The following MRTFB variants were observed in gnomAD, a reference collection of about 807,000 sequenced individuals.
MRTFB encodes myocardin-related transcription factor B.
Under a neutral mutation model 104.2 loss-of-function variants are expected in MRTFB, and 29 were observed. The ratio of observed to expected loss-of-function variants is 0.28; its 90% confidence interval spans 0.21 to 0.38. The LOEUF is 0.38. Ranked by LOEUF, MRTFB falls within the 10% of genes least tolerant of loss-of-function variation. The pLI is 1.00. For synonymous variants in MRTFB, 535 were observed against 519.5 expected (o/e 1.03, Z -0.41); for missense variants, 1,270 against 1,341.6 (o/e 0.95, Z 0.83).
chr16:14,003,623 G>GCCTGCCTGCCTGCCTGCCT, the MRTFB span, among the ~76,000 whole-genome samples: 465 of 85,336 alleles, frequency 5.4e-3, 3 homozygotes, highest in Non-Finnish European at 9.5e-3. Flanking sequence ...GGGGCCGGCC[G>GCCTGCCTGCCTGCCTGCCT]GCCTGCCTGC....
the MRTFB span, among the ~76,000 whole-genome samples, chr16:14,057,847 T>G: frequency 6.6e-6 from 1 of 152,252 alleles, no homozygotes; most frequent in Non-Finnish European, 1.5e-5. Flanking sequence ...AGTCCAACTC[T>G]GAGCTCCTCC....
chr16:14,097,397 A>C (rs1206789724), intron 2 of MRTFB, among the ~76,000 whole-genome samples: 1 of 152,206 alleles, frequency 6.6e-6, no homozygotes, highest in Non-Finnish European at 1.5e-5. Flanking sequence ...TTTCCCATCC[A>C]GTAGTAATTA....
intron 10 of MRTFB, among the ~76,000 whole-genome samples, chr16:14,242,091 T>A (rs962889589): frequency 1.3e-5 from 2 of 152,108 alleles, no homozygotes; most frequent in African/African-American, 4.8e-5. Context: ...GCCTCAAGTC[T>A]AGGAGGAATT....
chr16:14,257,267 A>G (rs1332493247), intron 15 of MRTFB, among the ~76,000 whole-genome samples: 1 of 152,202 alleles, frequency 6.6e-6, no homozygotes, highest in Non-Finnish European at 1.5e-5. Flanking sequence ...GAGAAAACAC[A>G]TGTCTATACA....
At chr16:14,083,116 T>G (rs943284348) in intron 2 of MRTFB, among the ~76,000 whole-genome samples, 1 of 152,198 alleles carries the variant, frequency 6.6e-6, no homozygotes, top group Non-Finnish European at 1.5e-5. Flanking sequence ...TTGGTAACTG[T>G]TGTAAATAGG....
chr16:14,247,009 G>A lies in MRTFB; in HGVS notation c.1749G>A (p.Glu583=), dbSNP rs2043044190. The A allele has an allele frequency of 6.2e-7, 1 of 1,614,184 alleles. No individual in the cohort carries two copies. The highest frequency in any genetic ancestry group is 8.5e-7 in the Non-Finnish European group (1 of 1,180,048). ...AGGAGAAAGAGAAGCAAATCGAAGA[G>A]CTGAAGAGGAAACTGGAACAAGAGC... is the stretch of plus-strand genomic sequence containing the variant. The part of the protein sequence containing the change: ...KLQEKEKQIE[E]LKRKLEQEQK... The change falls in exon 12 of 17, where the codon GAG becomes GAA. Residue 583 remains glutamate, a synonymous_variant. Transcript: ENST00000571589.
chr16:14,034,517 G>A, the MRTFB span, among the ~76,000 whole-genome samples: 1 of 151,896 alleles, frequency 6.6e-6, no homozygotes, highest in Non-Finnish European at 1.5e-5. Context: ...GGGAGGCTGA[G>A]GCAGGAGAAT....
chr16:14,182,936 G>A (rs1213061837), intron 3 of MRTFB, among the ~76,000 whole-genome samples: 1 of 152,170 alleles, frequency 6.6e-6, no homozygotes, highest in Non-Finnish European at 1.5e-5. Flanking sequence ...ATAGTAGGAT[G>A]TGCCACTAAT....
chr16:14,107,530 T>G (rs1238152715), intron 2 of MRTFB, among the ~76,000 whole-genome samples: 1 of 152,180 alleles, frequency 6.6e-6, no homozygotes, highest in Non-Finnish European at 1.5e-5. Flanking sequence ...AGGCATAGAA[T>G]AAATGGTGAG....
the MRTFB span, among the ~76,000 whole-genome samples, chr16:14,011,060 G>C: frequency 6.6e-6 from 1 of 152,230 alleles, no homozygotes; most frequent in African/African-American, 2.4e-5. Context: ...TAGGCTGGGT[G>C]CCAGTTCTGG....
Position 14,246,588 on chromosome 16 carries a change from C to T in MRTFB, c.1328C>T (p.Ala443Val). 8.1e-6 allele frequency: 13 copies of T among 1,614,144 alleles called. No individual in the cohort carries two copies. The highest frequency in any genetic ancestry group is 1.0e-5 in the Non-Finnish European group (12 of 1,180,022). ...GAAGTGAACAGCAGCGGCCTTGCTG[C>T]TGGGGGCATCGTGGCAGTGTCATCA... is the stretch of plus-strand genomic sequence containing the variant. The part of the protein sequence containing the change: ...YQEVNSSGLA[A>V]GGIVAVSSSA... The change falls in exon 12 of 17, where the codon GCT becomes GTT. Residue 443 changes from alanine to valine, a missense_variant. Physicochemically the swap from Ala to Val is moderately conservative, Grantham distance 64 (BLOSUM62 0). Around this residue, in one of 3 missense-constraint regions of MRTFB, gnomAD observed 1,144 missense variants for 1,131.5 expected, o/e 1.01. Transcript: ENST00000571589.
chr16:14,100,777 T>G (rs2035652684), intron 2 of MRTFB, among the ~76,000 whole-genome samples: 1 of 152,250 alleles, frequency 6.6e-6, no homozygotes, highest in Non-Finnish European at 1.5e-5. Flanking sequence ...TCAGGTTATT[T>G]ATTTCTTCTT....
the MRTFB span, among the ~76,000 whole-genome samples, chr16:14,034,595 C>T: frequency 8.5e-6 from 1 of 118,186 alleles, no homozygotes; most frequent in South Asian, 2.9e-4. Flanking sequence ...GCCGGAGCAA[C>T]AAGAGTGAAA....
chr16:14,111,386 G>T (rs538351179), intron 2 of MRTFB, among the ~76,000 whole-genome samples: 15 of 135,780 alleles, frequency 1.1e-4, no homozygotes, highest in African/African-American at 4.0e-4. Context: ...AAGCTCATCT[G>T]CTCAGTGATG....
chr16:14,237,023 C>G (rs983332096), intron 9 of MRTFB, among the ~76,000 whole-genome samples: 11 of 152,180 alleles, frequency 7.2e-5, no homozygotes, highest in Admixed American at 1.3e-4. Flanking sequence ...TAGCAACTTG[C>G]AGTTGCCACG....
chr16:14,110,597 G>A (rs1212475824), intron 2 of MRTFB, among the ~76,000 whole-genome samples: 8 of 152,060 alleles, frequency 5.3e-5, no homozygotes, highest in Non-Finnish European at 8.8e-5. Flanking sequence ...ACAGTGCCAT[G>A]CCTTCCATTT....
intron 8 of MRTFB, among the ~76,000 whole-genome samples, chr16:14,225,700 G>A (rs1012742642): frequency 4.7e-5 from 7 of 147,838 alleles, no homozygotes; most frequent in African/African-American, 1.6e-4. Context: ...ATTCATGCCT[G>A]GCTAATTTTG....
chr16:14,036,892 C>T, the MRTFB span, among the ~76,000 whole-genome samples: 2 of 152,118 alleles, frequency 1.3e-5, no homozygotes, highest in Non-Finnish European at 2.9e-5. Context: ...AGCAGCTTTC[C>T]CCTTTTCATT....
At position 14,238,207 on chromosome 16, in the gene MRTFB, C is replaced by A. The variant is rs547013474; in HGVS notation, c.832-2030C>A. 7.9e-5 allele frequency among the ~76,000 whole-genome samples: 12 copies of A among 152,162 alleles called. No homozygotes were observed. The South Asian group carries it at 2.3e-3, about 29-fold the overall frequency. On this transcript the variant is annotated intron_variant, in intron 9 of 16. Transcript: ENST00000571589. ...GTGGCCAAGGATGCCACTGAACATC[C>A]AACAGTGCACGGGATGGGCTCCCAC...
Sources: allele counts gnomAD v4.1 joint callset (sites outside exome capture counted in the v4.1 genomes callset), GRCh38; gene constraint gnomAD v4.1.1; regional missense constraint gnomAD v4.1.1; transcripts MANE v1.5; gene names NCBI Gene and HGNC (gene_info 2026-07-23, HGNC 2026-07-21).